The following DNER variants were observed in gnomAD, a reference collection of about 807,000 sequenced individuals.
DNER encodes the protein delta and Notch-like epidermal growth factor-related receptor.
DNER carries 33 observed loss-of-function variants against 78.2 expected under a neutral mutation model. The observed-to-expected ratio is 0.42, with a 90% CI of 0.32 to 0.56. DNER has a LOEUF of 0.56. Among genes scored for constraint, DNER ranks in the 20% least tolerant of loss-of-function variants. DNER has a pLI of 0.11. For missense variants in DNER, 918 were observed against 975.3 expected, an observed-to-expected ratio of 0.94 and a Z score of 0.78; for synonymous variants, 417 against 384.8, an observed-to-expected ratio of 1.08 and a Z score of -0.98.
In DNER at chr2:229,436,656, GA is replaced by G. The variant is rs534010462; in HGVS notation, c.1486+10659del. On this transcript the variant is annotated intron_variant, in intron 8 of 12. Transcript: ENST00000341772. ...GGGGACCTGTATTCAACATTCAAAAGAAAAAAAAATTATAACAAGAATTCCA... is the reference window on the plus strand; with the variant it reads ...GGGGACCTGTATTCAACATTCAAAAGAAAAAAAATTATAACAAGAATTCCA... 8.4e-3 allele frequency among the ~76,000 whole-genome samples: 1,270 copies of G among 151,106 alleles called. 23 individuals are homozygous for G. Among genetic ancestry groups the G allele is most frequent in the African/African-American group, 0.029 (1,213 of 41,248 alleles).
At chr2:229,392,316 T>A (rs1211887559) in intron 10 of DNER, among the ~76,000 whole-genome samples, 1 of 149,378 alleles carries the variant, frequency 6.7e-6, no homozygotes, top group Non-Finnish European at 1.5e-5. Flanking sequence ...CAACAGGAAG[T>A]CCATGACTGT....
intron 1 of DNER, among the ~76,000 whole-genome samples, chr2:229,677,429 G>C (rs889041439): frequency 6.6e-6 from 1 of 152,132 alleles, no homozygotes; most frequent in African/African-American, 2.4e-5. Flanking sequence ...GTGTTTTTAA[G>C]GTTCCAAATC....
chr2:229,615,465 C>T (rs191403464), intron 1 of DNER, among the ~76,000 whole-genome samples: 2,600 of 150,480 alleles, frequency 0.017, 78 homozygotes, highest in African/African-American at 0.06. Context: ...ATCCCAGCAC[C>T]TTGGGAGGCC....
intron 1 of DNER, among the ~76,000 whole-genome samples, chr2:229,629,221 T>G (rs1045250391): frequency 6.6e-6 from 1 of 152,228 alleles, no homozygotes; most frequent in Non-Finnish European, 1.5e-5. Context: ...TGAATTCATA[T>G]GTGATAGTCA....
At chr2:229,395,132 GT>G (rs998650356) in intron 10 of DNER, among the ~76,000 whole-genome samples, 58 of 152,290 alleles carry the variant, frequency 3.8e-4, no homozygotes, top group African/African-American at 1.2e-3. Context: ...GATCTGTTTG[GT>G]TTTTGGGGGT....
At chr2:229,488,427 CAT>C (rs1177567787) in intron 6 of DNER, among the ~76,000 whole-genome samples, 2 of 152,166 alleles carry the variant, frequency 1.3e-5, no homozygotes, top group African/African-American at 4.8e-5. Context: ...TGTGTGTATA[CAT>C]GTGTGTGCAT....
Position 229,586,068 on chromosome 2 carries a change from A to C in DNER, c.681-44T>G, listed in dbSNP as rs373867449. On this transcript the variant is annotated intron_variant, in intron 3 of 12. Transcript: ENST00000341772. ...TAAACAGAAAGCTCCTTTCAGAAAA[A>C]TTCATCTTAGAACCAGTTCTTCAAA... 1.9e-6 allele frequency: 3 copies of C among 1,564,524 alleles called. No homozygotes were observed. The African/African-American group carries it at 4.1e-5, about 22-fold the overall frequency.
intron 5 of DNER, among the ~76,000 whole-genome samples, chr2:229,520,395 A>T (rs1240889605): frequency 3.9e-5 from 6 of 152,062 alleles, no homozygotes; most frequent in Non-Finnish European, 8.8e-5. Flanking sequence ...GATTCAAGCC[A>T]CTCCTTGCTA....
intron 1 of DNER, among the ~76,000 whole-genome samples, chr2:229,602,159 T>C (rs949144645): frequency 2.6e-5 from 4 of 152,100 alleles, no homozygotes; most frequent in Non-Finnish European, 5.9e-5. Flanking sequence ...ATACAGGAAA[T>C]ATGTCGACTT....
chr2:229,629,677 A>G (rs1395037358), intron 1 of DNER, among the ~76,000 whole-genome samples: 1 of 152,168 alleles, frequency 6.6e-6, no homozygotes, highest in Non-Finnish European at 1.5e-5. Flanking sequence ...AGAAATCACA[A>G]TTTTGATTCA....
chr2:229,482,518 G>A (rs907565459), intron 6 of DNER, among the ~76,000 whole-genome samples: 5 of 152,118 alleles, frequency 3.3e-5, no homozygotes, highest in East Asian at 3.8e-4. Flanking sequence ...ACCGACCACC[G>A]TGCTGCAGCC....
Position 229,373,172 on chromosome 2 carries a change from G to C in DNER, c.1856-6053C>G, listed in dbSNP as rs530630816. On this transcript the variant is annotated intron_variant, in intron 11 of 12. Transcript: ENST00000341772. The stretch of plus-strand genomic sequence containing the variant: ...AGTAAACAGACAACCGACAGAAGAG[G>C]AGAAAATATTCGCAAATGATGCATC... Among the ~76,000 whole-genome samples, 7 of 152,260 alleles carry C rather than the reference G, an allele frequency of 4.6e-5. No homozygotes were observed. The East Asian group carries it at 1.3e-3, about 29-fold the overall frequency.
rs1436125547 is a variant in DNER at position 229,654,113 on chromosome 2, A to C, written c.276+60035T>G. Among the ~76,000 whole-genome samples the C allele has an allele frequency of 2.7e-3, 387 of 144,478 alleles. 2 individuals are homozygous for C. The highest frequency in any genetic ancestry group is 8.7e-3 in the African/African-American group (334 of 38,482). 94.8% of individuals were successfully genotyped at this position (144,478 alleles called of 152,430 possible). A position where few individuals can be genotyped will look rare whatever the true frequency, so the allele number is the denominator to read the frequency against. On this transcript the variant is annotated intron_variant, in intron 1 of 12. Coordinates refer to ENST00000341772, the MANE Select transcript of DNER (RefSeq NM_139072.4). ...GTATATCTCCCTAATGCTATCCCCC[A>C]CTCCCCCCACCCCACCACATGCCCC...
intron 6 of DNER, among the ~76,000 whole-genome samples, chr2:229,484,018 C>T (rs1458999670): frequency 1.3e-5 from 2 of 152,070 alleles, no homozygotes; most frequent in Non-Finnish European, 2.9e-5. Context: ...CTTCCGAGAA[C>T]ATAAACTCCC....
chr2:229,486,739 T>C (rs1025455145), intron 6 of DNER, among the ~76,000 whole-genome samples: 2 of 152,214 alleles, frequency 1.3e-5, no homozygotes, highest in African/African-American at 4.8e-5. Flanking sequence ...CAAAGCAATA[T>C]GCCAATATTT....
chr2:229,517,501 G>A (rs890658430), intron 5 of DNER, among the ~76,000 whole-genome samples: 3 of 152,216 alleles, frequency 2.0e-5, no homozygotes, highest in Non-Finnish European at 4.4e-5. Flanking sequence ...GGCATCCGAG[G>A]AAAGGTATTC....
intron 9 of DNER, among the ~76,000 whole-genome samples, chr2:229,417,729 A>G (rs1693681699): frequency 6.6e-6 from 1 of 152,198 alleles, no homozygotes; most frequent in South Asian, 2.1e-4. Flanking sequence ...AAGAAAGCAC[A>G]GCATTCTATC....
chr2:229,501,665 T>C (rs1695626876), intron 6 of DNER, among the ~76,000 whole-genome samples: 1 of 152,222 alleles, frequency 6.6e-6, no homozygotes, highest in Non-Finnish European at 1.5e-5. Context: ...AATTCATTCA[T>C]CAAACAAAAT....
chr2:229,374,647 G>GC (rs1180200172), intron 11 of DNER, among the ~76,000 whole-genome samples: 3 of 152,150 alleles, frequency 2.0e-5, no homozygotes, highest in Non-Finnish European at 4.4e-5. Context: ...AAAGCTATGT[G>GC]CCCAGGGTTA....
Sources: gnomAD v4.1 joint callset for allele counts (sites outside exome capture counted in the v4.1 genomes callset) on GRCh38, gnomAD v4.1.1 for gene constraint, MANE v1.5 for transcripts, NCBI Gene and HGNC (gene_info 2026-07-23, HGNC 2026-07-21) for gene names.